POPDC1: variants seen among roughly 807,000 people sequenced by gnomAD.
POPDC1 encodes the protein popeye domain cAMP effector 1.
At chr6:105,115,521 T>C in the POPDC1 span, among the ~76,000 whole-genome samples, 3 of 152,238 alleles carry the variant, frequency 2.0e-5, no homozygotes, top group African/African-American at 4.8e-5. Flanking sequence ...TCATATGCAA[T>C]ATGGGGGAAA....
the POPDC1 span, chr6:105,098,356 C>T: frequency 6.6e-6 from 1 of 152,292 alleles, no homozygotes; most frequent in Middle Eastern, 3.4e-3. Flanking sequence ...AATAGTCTCA[C>T]GTTTCCCATT....
At chr6:105,102,545 C>A in the POPDC1 span, among the ~76,000 whole-genome samples, 1 of 152,160 alleles carries the variant, frequency 6.6e-6, no homozygotes, top group Non-Finnish European at 1.5e-5. Flanking sequence ...GTGGTCAAGA[C>A]CAGAGGCTCA....
the POPDC1 span, among the ~76,000 whole-genome samples, chr6:105,126,338 G>C: frequency 6.6e-6 from 1 of 151,770 alleles, no homozygotes; most frequent in African/African-American, 2.4e-5. Context: ...AGGCTGAGGT[G>C]GGAGGATTAC....
the POPDC1 span, among the ~76,000 whole-genome samples, chr6:105,131,544 T>C: frequency 6.6e-6 from 1 of 152,114 alleles, no homozygotes; most frequent in African/African-American, 2.4e-5. Context: ...GTCTCCCAAA[T>C]AGCTGGGACC....
At chr6:105,099,563 G>C in the POPDC1 span, 1 of 152,176 alleles carries the variant, frequency 6.6e-6, no homozygotes, top group African/African-American at 2.4e-5. Context: ...CCACAGCCAC[G>C]CTGGCCAGAC....
the POPDC1 span, chr6:105,115,898 T>C: frequency 4.6e-6 from 7 of 1,508,790 alleles, no homozygotes; most frequent in East Asian, 2.3e-5. Flanking sequence ...AAGCAGCATG[T>C]ACTTTTCCTA....
At chr6:105,116,612 T>C in the POPDC1 span, 38 of 1,046,952 alleles carry the variant, frequency 3.6e-5, no homozygotes, top group Non-Finnish European at 5.1e-5. Context: ...TATGGCTAGT[T>C]ACTAAAAATT....
At chr6:105,124,407 A>G in the POPDC1 span, 16 of 485,832 alleles carry the variant, frequency 3.3e-5, no homozygotes, top group Middle Eastern at 5.5e-4. Flanking sequence ...AAAAAAAAAA[A>G]AGAGACAATA....
the POPDC1 span, chr6:105,116,608 T>A: frequency 3.1e-6 from 3 of 975,642 alleles, no homozygotes; most frequent in South Asian, 3.8e-5. Context: ...AACATATGGC[T>A]AGTTACTAAA....
the POPDC1 span, among the ~76,000 whole-genome samples, chr6:105,135,293 G>A: frequency 3.3e-5 from 5 of 152,108 alleles, no homozygotes; most frequent in African/African-American, 9.7e-5. Flanking sequence ...CGTCTCCCCA[G>A]ATCTCAGTAA....
chr6:105,115,985 A>G, the POPDC1 span, among the ~76,000 whole-genome samples: 1 of 152,184 alleles, frequency 6.6e-6, no homozygotes, highest in Non-Finnish European at 1.5e-5. Context: ...TATGATTTTT[A>G]TTATTAGCTA....
chr6:105,121,514 C>T, the POPDC1 span, among the ~76,000 whole-genome samples: 6 of 152,034 alleles, frequency 3.9e-5, no homozygotes, highest in Non-Finnish European at 7.4e-5. Context: ...GTGATCCACC[C>T]GCCTCAGCCT....
the POPDC1 span, among the ~76,000 whole-genome samples, chr6:105,101,391 C>T: frequency 1.3e-5 from 2 of 152,120 alleles, no homozygotes; most frequent in Non-Finnish European, 2.9e-5. Flanking sequence ...AATAAAATAA[C>T]CAAGTCAAGA....
chr6:105,108,397 A>C, the POPDC1 span, among the ~76,000 whole-genome samples: 1 of 152,164 alleles, frequency 6.6e-6, no homozygotes, highest in South Asian at 2.1e-4. Flanking sequence ...AGACAACGAT[A>C]AGGAAAAAGG....
the POPDC1 span, chr6:105,116,893 G>T: frequency 8.2e-5 from 131 of 1,602,988 alleles, no homozygotes; most frequent in African/African-American, 1.1e-3. Context: ...AGCATGCAAA[G>T]AATAAAGTAC....
At chr6:105,129,253 T>C in the POPDC1 span, 1 of 864,926 alleles carries the variant, frequency 1.2e-6, no homozygotes, top group South Asian at 2.7e-5. Context: ...ACAGAAAGCC[T>C]AAACTTCAGA....
the POPDC1 span, chr6:105,100,550 A>ATGTG: frequency 7.9e-4 from 6 of 7,580 alleles, no homozygotes; most frequent in African/African-American, 1.0e-3. Context: ...ATGTATATAT[A>ATGTG]TGTATATATA....
chr6:105,097,367 A>ATCAT, the POPDC1 span: 1 of 152,264 alleles, frequency 6.6e-6, no homozygotes, highest in African/African-American at 2.4e-5. Flanking sequence ...AGCTTTATAA[A>ATCAT]TGACCAAGAA....
At chr6:105,106,995 T>C in the POPDC1 span, among the ~76,000 whole-genome samples, 2 of 152,188 alleles carry the variant, frequency 1.3e-5, no homozygotes, top group Non-Finnish European at 2.9e-5. Context: ...ATGTATATTA[T>C]TTTTTACTAT....
Sources: allele counts gnomAD v4.1 joint callset (sites outside exome capture counted in the v4.1 genomes callset), GRCh38; gene constraint gnomAD v4.1.1; transcripts MANE v1.5; gene names NCBI Gene and HGNC (gene_info 2026-07-23, HGNC 2026-07-21).